NAALADL2: variants seen among roughly 807,000 people sequenced by gnomAD.
The protein encoded by NAALADL2 is N-acetylated alpha-linked acidic dipeptidase like 2, also known as inactive N-acetylated-alpha-linked acidic dipeptidase-like protein 2.
Under a neutral mutation model 87.2 loss-of-function variants are expected in NAALADL2, and 76 were observed. That is an observed-to-expected ratio of 0.87 (90% CI 0.72 to 1.05). The LOEUF is 1.05. NAALADL2 is among the 50% of genes least tolerant of loss of function. The probability of loss-of-function intolerance (pLI) is 0.00; values close to 1 mark genes in which losing one functional copy is unlikely to be tolerated. For synonymous variants in NAALADL2, 354 were observed against 331.0 expected, an observed-to-expected ratio of 1.07 and a Z score of -0.75; for missense variants, 1,089 against 945.8, an observed-to-expected ratio of 1.15 and a Z score of -1.99.
chr3:175,299,802 G>C (rs1399537848), intron 4 of NAALADL2, among the ~76,000 whole-genome samples: 1 of 152,082 alleles, frequency 6.6e-6, no homozygotes, highest in Admixed American at 6.6e-5. Context: ...TGATTGCCCT[G>C]TCCAGAACTT....
chr3:175,007,545 A>G (rs1344714174), intron 1 of NAALADL2, among the ~76,000 whole-genome samples: 2 of 152,108 alleles, frequency 1.3e-5, no homozygotes, highest in Non-Finnish European at 2.9e-5. Context: ...TAGATTTAGT[A>G]TGTCTGGAAT....
intron 2 of NAALADL2, among the ~76,000 whole-genome samples, chr3:174,655,333 T>C (rs1724800719): frequency 6.6e-6 from 1 of 150,806 alleles, no homozygotes. Flanking sequence ...CAAAGATGAT[T>C]TTGAACTTTT....
chr3:174,589,903 A>T (rs1167136429), intron 2 of NAALADL2, among the ~76,000 whole-genome samples: 2 of 151,624 alleles, frequency 1.3e-5, no homozygotes, highest in South Asian at 4.2e-4. Context: ...AAAATGCCAT[A>T]AATAAAACAT....
At chr3:174,441,546 G>A (rs918333747) in intron 1 of NAALADL2, among the ~76,000 whole-genome samples, 4 of 152,174 alleles carry the variant, frequency 2.6e-5, no homozygotes. Flanking sequence ...GTGGAATGCC[G>A]CTCCAGTGGA....
At chr3:175,512,614 C>G (rs1456537094) in intron 9 of NAALADL2, among the ~76,000 whole-genome samples, 3 of 152,050 alleles carry the variant, frequency 2.0e-5, no homozygotes, top group African/African-American at 7.2e-5. Flanking sequence ...ATGAAAGACA[C>G]AAGATGGAAG....
chr3:175,786,746 A>G lies in NAALADL2; in HGVS notation c.2190-16259A>G, dbSNP rs374290630. On this transcript the variant is annotated intron_variant, in intron 13 of 13. Coordinates refer to ENST00000454872, the MANE Select transcript of NAALADL2 (RefSeq NM_207015.3). ...AGCTTTGTTCCGTTGCTGGTGAGGA[A>G]CTGCGTTCCTTTGGAGGAGGAGGAG... 3.3e-5 allele frequency among the ~76,000 whole-genome samples: 5 copies of G among 152,074 alleles called. No individual in the cohort carries two copies. The South Asian group carries it at 1.0e-3, about 32-fold the overall frequency.
intron 1 of NAALADL2, among the ~76,000 whole-genome samples, chr3:174,919,950 A>G (rs1290572544): frequency 6.6e-6 from 1 of 152,158 alleles, no homozygotes; most frequent in East Asian, 1.9e-4. Context: ...ATGCATCGTC[A>G]ATGAGCAGTG....
At chr3:175,348,827 C>T (rs1763431409) in intron 5 of NAALADL2, among the ~76,000 whole-genome samples, 1 of 152,020 alleles carries the variant, frequency 6.6e-6, no homozygotes, top group Admixed American at 6.6e-5. Context: ...TTCGACACAC[C>T]GTTTTGGGGA....
At chr3:175,405,322 G>T (rs1241034238) in intron 5 of NAALADL2, among the ~76,000 whole-genome samples, 1 of 152,034 alleles carries the variant, frequency 6.6e-6, no homozygotes, top group African/African-American at 2.4e-5. Flanking sequence ...TGTTCAGGTA[G>T]ATACATGATT....
At position 175,343,722 on chromosome 3, in the gene NAALADL2, G is replaced by A. The variant is rs1418695904; in HGVS notation, c.1090+19397G>A. ...AGGAAACTGGGGTTGGGAAAAGATTGATAAAGAAGAATTGACAATGAAAAT... is the reference window on the plus strand; with the variant it reads ...AGGAAACTGGGGTTGGGAAAAGATTAATAAAGAAGAATTGACAATGAAAAT... On this transcript the variant is annotated intron_variant, in intron 5 of 13. Transcript: ENST00000454872. Among the ~76,000 whole-genome samples, 14 of 141,798 alleles carry A rather than the reference G, an allele frequency of 9.9e-5. 2 individuals are homozygous for A. Among genetic ancestry groups the A allele is most frequent in the Admixed American group, 4.4e-4 (6 of 13,652 alleles). 93.0% of individuals were successfully genotyped at this position (141,798 alleles called of 152,430 possible).
chr3:174,462,972 G>C (rs1716301389), intron 1 of NAALADL2, among the ~76,000 whole-genome samples: 1 of 152,110 alleles, frequency 6.6e-6, no homozygotes, highest in African/African-American at 2.4e-5. Flanking sequence ...GTATATCTCT[G>C]GGCTTTAATT....
At chr3:175,171,874 A>G (rs781108906) in intron 2 of NAALADL2, among the ~76,000 whole-genome samples, 1 of 152,066 alleles carries the variant, frequency 6.6e-6, no homozygotes, top group Non-Finnish European at 1.5e-5. Flanking sequence ...TTTTTAGTTG[A>G]GAGTAGAATG....
chr3:175,614,708 T>A (rs1725112933), intron 10 of NAALADL2, among the ~76,000 whole-genome samples: 1 of 152,206 alleles, frequency 6.6e-6, no homozygotes, highest in Non-Finnish European at 1.5e-5. Flanking sequence ...AATATTTGGA[T>A]ATAGTGTTTT....
chr3:174,984,512 G>C (rs966157782), intron 1 of NAALADL2, among the ~76,000 whole-genome samples: 2 of 152,068 alleles, frequency 1.3e-5, no homozygotes, highest in African/African-American at 4.8e-5. Flanking sequence ...CTTATTGTCA[G>C]TGCAAAACCC....
intron 1 of NAALADL2, among the ~76,000 whole-genome samples, chr3:175,006,067 C>T (rs1386353438): frequency 6.6e-6 from 1 of 152,170 alleles, no homozygotes. Context: ...TTCAAGCTTG[C>T]CAGGTTCCTG....
chr3:175,358,289 T>C (rs1039978611), intron 5 of NAALADL2, among the ~76,000 whole-genome samples: 1 of 152,134 alleles, frequency 6.6e-6, no homozygotes, highest in Non-Finnish European at 1.5e-5. Context: ...TTTGTTACAT[T>C]AGCTTATAAT....
chr3:174,551,287 G>A (rs1466187955), intron 2 of NAALADL2: 2 of 152,118 alleles, frequency 1.3e-5, no homozygotes, highest in African/African-American at 4.8e-5. Context: ...GTTTGCTAAT[G>A]TAGCACATAT....
intron 13 of NAALADL2, among the ~76,000 whole-genome samples, chr3:175,791,133 A>C (rs964834842): frequency 6.6e-6 from 1 of 152,206 alleles, no homozygotes; most frequent in Non-Finnish European, 1.5e-5. Flanking sequence ...AACATTGTAG[A>C]ATACTTGCTA....
intron 11 of NAALADL2, among the ~76,000 whole-genome samples, chr3:175,680,903 C>G (rs546808616): frequency 6.6e-6 from 1 of 152,158 alleles, no homozygotes; most frequent in Non-Finnish European, 1.5e-5. Flanking sequence ...TCAAGAGGTG[C>G]GGAGATCGGC....
Sources: allele counts gnomAD v4.1 joint callset (sites outside exome capture counted in the v4.1 genomes callset), GRCh38; gene constraint gnomAD v4.1.1; transcripts MANE v1.5; gene names NCBI Gene and HGNC (gene_info 2026-07-23, HGNC 2026-07-21).